COL6A2: variants seen among roughly 807,000 people sequenced by gnomAD.
The protein encoded by COL6A2 is collagen type VI alpha 2 chain.
COL6A2 carries 90 observed loss-of-function variants against 124.9 expected under a neutral mutation model. The observed-to-expected ratio is 0.72, with a 90% confidence interval of 0.61 to 0.86. The LOEUF is 0.86. Ranked by LOEUF, COL6A2 falls within the 40% of genes least tolerant of loss-of-function variation. COL6A2 has a pLI of 0.00. For synonymous variants in COL6A2, 793 were observed against 618.2 expected, an observed-to-expected ratio of 1.28 and a Z score of -4.19; for missense variants, 1,607 against 1,502.5, an observed-to-expected ratio of 1.07 and a Z score of -1.15.
intron 27 of COL6A2, chr21:46,129,447 A>G (rs1286563069): frequency 6.2e-7 from 1 of 1,603,712 alleles, no homozygotes; most frequent in Non-Finnish European, 8.5e-7. Flanking sequence ...GCTGGTGCAC[A>G]GGGACATCGT....
intron 14 of COL6A2, 138 bp downstream of exon 14, chr21:46,119,257 CAAG>C (rs2078523878): frequency 8.2e-6 from 6 of 729,760 alleles, no homozygotes; most frequent in East Asian, 2.7e-5. Context: ...CCCATCCTCC[CAAG>C]AAGTGGACCC....
chr21:46,123,733 TTAGATGA>T (rs1189797232), intron 21 of COL6A2, among the ~76,000 whole-genome samples: 10 of 135,252 alleles, frequency 7.4e-5, no homozygotes, highest in Admixed American at 7.4e-4. Context: ...GAGTGTGTGG[TTAGATGA>T]TGGATGGCTG....
chr21:46,109,463 GC>G (rs2078371339), intron 1 of COL6A2, among the ~76,000 whole-genome samples: 1 of 152,204 alleles, frequency 6.6e-6, no homozygotes, highest in African/African-American at 2.4e-5. Context: ...CTTCAGGCCT[GC>G]CCCAGCCTGA....
chr21:46,110,087 G>T (rs2078378527), intron 1 of COL6A2, among the ~76,000 whole-genome samples: 1 of 152,218 alleles, frequency 6.6e-6, no homozygotes, highest in Non-Finnish European at 1.5e-5. Flanking sequence ...CTGGGGCAGG[G>T]TCTCCAGACC....
intron 26 of COL6A2, 57 bp downstream of exon 26, chr21:46,126,294 T>C (rs1481095796): frequency 1.3e-6 from 2 of 1,577,638 alleles, no homozygotes; most frequent in East Asian, 2.2e-5. Flanking sequence ...AGCCGCTGTC[T>C]AGCGTGAGCC....
chr21:46,132,546 C>A lies in COL6A2; in HGVS notation c.3054C>A (p.Ile1018=). Residue 1018 remains isoleucine, a synonymous_variant, in exon 28 of 28, where the codon ATC becomes ATA. Transcript: ENST00000300527. ...TCTTCGACCGCTTCATCCGCTGGAT[C>A]TGCTAGCGCCGCCGCCCGGGCCCCG... ...PGFFDRFIRW[I]C 1 of 1,599,316 alleles carries A rather than the reference C, an allele frequency of 6.3e-7. No individual in the cohort carries two copies. Among genetic ancestry groups the A allele is most frequent in the East Asian group, 2.2e-5 (1 of 44,620 alleles).
rs781195524 is a variant in COL6A2 at position 46,116,730 on chromosome 21, G to T, written c.955-40G>T. ...TCCTTCCTGCTGCTCAGGGCAGAAG[G>T]ACCGGGGCTAATGGAGTTCCCTCTT... On this transcript the variant is annotated intron_variant, in intron 9 of 27. Coordinates refer to ENST00000300527, the MANE Select transcript of COL6A2 (RefSeq NM_001849.4). The surrounding 1 kb of genome is among the most constrained non-coding windows in gnomAD (Gnocchi z 4.6). The T allele has an allele frequency of 6.2e-7, 1 of 1,613,096 alleles. No homozygotes were observed. The highest frequency in any genetic ancestry group is 8.5e-7 in the Non-Finnish European group (1 of 1,180,012).
chr21:46,116,073 G>T lies in COL6A2; in HGVS notation c.900+20G>T. 6.4e-7 allele frequency: 1 copy of T among 1,564,120 alleles called. No homozygotes were observed. ...CCCAAGGTGAGTGACCTCGGCCAGG[G>T]GCTTGGCTCCACCCTGAGGCCCCAG... On this transcript the variant is annotated intron_variant, in intron 7 of 27. Coordinates refer to ENST00000300527, the MANE Select transcript of COL6A2 (RefSeq NM_001849.4). This position sits in a 1 kb window ranked among gnomAD's most constrained non-coding sequence, Gnocchi z 4.6.
chr21:46,124,237 CTGGGTGGA>C (rs1212979390), intron 21 of COL6A2, among the ~76,000 whole-genome samples: 1 of 140,228 alleles, frequency 7.1e-6, no homozygotes, highest in Non-Finnish European at 1.6e-5. Flanking sequence ...GGATGGGTGA[CTGGGTGGA>C]TGGATGGATG....
At position 46,118,069 on chromosome 21, in the gene COL6A2, G is replaced by A. The variant is rs563959808; in HGVS notation, c.1116+133G>A. ...ACTGGTCAGTGAGGAGCCAATGGCCGTGGGATGTGGTGGAGGGTGCCCTGC... is the reference window on the plus strand; with the variant it reads ...ACTGGTCAGTGAGGAGCCAATGGCCATGGGATGTGGTGGAGGGTGCCCTGC... On this transcript the variant is annotated intron_variant, in intron 12 of 27. Coordinates refer to ENST00000300527, the MANE Select transcript of COL6A2 (RefSeq NM_001849.4). 7 of 826,782 alleles carry A rather than the reference G, an allele frequency of 8.5e-6. No homozygotes were observed. In the East Asian group the frequency reaches 1.1e-4, roughly 13 times the overall value. 51.2% of individuals were successfully genotyped at this position (826,782 alleles called of 1,614,324 possible). A position where few individuals can be genotyped will look rare whatever the true frequency, so the allele number is the denominator to read the frequency against.
chr21:46,131,036 C>T (rs921692201), intron 27 of COL6A2, among the ~76,000 whole-genome samples: 10 of 152,210 alleles, frequency 6.6e-5, no homozygotes, highest in Non-Finnish European at 1.3e-4. Context: ...AGTTTCGGGT[C>T]AGGGTCCTCT....
At chr21:46,118,058 A>C in intron 12 of COL6A2, 122 bp downstream of exon 12, 1 of 920,714 alleles carries the variant, frequency 1.1e-6, no homozygotes. Flanking sequence ...GTCAGTGAGG[A>C]GCCAATGGCC....
intron 1 of COL6A2, among the ~76,000 whole-genome samples, chr21:46,101,719 C>G (rs1282877899): frequency 1.3e-5 from 2 of 151,932 alleles, no homozygotes; most frequent in East Asian, 3.9e-4. Context: ...TTTCTGGACT[C>G]TCTGTTTTAT....
rs1568931285 is a variant in COL6A2, at chr21:46,118,451, AG to A, written c.1117-161del. Among the ~76,000 whole-genome samples, 4 of 152,304 alleles carry A rather than the reference AG, an allele frequency of 2.6e-5. No individual in the cohort carries two copies. In the South Asian group the frequency reaches 8.3e-4, roughly 32 times the overall value. ...CACACTCTGCCCTCAGCTGGCACGG[AG>A]GTTCCAGCAGCCCCCAGCCAGCATC... On this transcript the variant is annotated intron_variant, in intron 12 of 27. Transcript: ENST00000300527.
At position 46,132,640 on chromosome 21, in the gene COL6A2, G is replaced by A. The variant is rs369124688; in HGVS notation, c.*88G>A. 39 of 1,320,792 alleles carry A rather than the reference G, an allele frequency of 3.0e-5. No individual in the cohort carries two copies. The highest frequency in any genetic ancestry group is 7.5e-5 in the South Asian group (6 of 79,802). The allele number at this position is 1,320,792 out of a possible 1,614,324, so 81.8% of individuals were successfully genotyped here. Reference sequence around the variant, plus strand: ...GCCCGGGTCCCACACGGCCAGCACCGCTGCTCACTCGGACGACGCCCTGGG... The same window carrying A: ...GCCCGGGTCCCACACGGCCAGCACCACTGCTCACTCGGACGACGCCCTGGG... On this transcript the variant is annotated 3_prime_UTR_variant, in exon 28 of 28. Transcript: ENST00000300527.
At chr21:46,121,463 T>C (rs2078564860) in intron 17 of COL6A2, 93 bp from the exon 18 acceptor site, 4 of 1,245,358 alleles carry the variant, frequency 3.2e-6, no homozygotes, top group Non-Finnish European at 4.7e-6. Flanking sequence ...CCATGTGGCC[T>C]GGTGGTCAGG....
At chr21:46,124,947 T>C in intron 23 of COL6A2, 27 bp downstream of exon 23, 4 of 1,612,512 alleles carry the variant, frequency 2.5e-6, no homozygotes, top group Non-Finnish European at 3.4e-6. Context: ...GCAGAACCAG[T>C]GTCCTTCTCC....
intron 1 of COL6A2, among the ~76,000 whole-genome samples, chr21:46,104,672 C>A (rs926698306): frequency 2.0e-5 from 3 of 152,102 alleles, no homozygotes; most frequent in Non-Finnish European, 2.9e-5. Context: ...ATGAATATAA[C>A]CATCCAAGAA....
chr21:46,124,216 G>C (rs985561372), intron 21 of COL6A2, among the ~76,000 whole-genome samples: 1 of 150,214 alleles, frequency 6.7e-6, no homozygotes, highest in African/African-American at 2.4e-5. Context: ...GTGGCTGGGT[G>C]GATGGATGAT....
Sources: allele counts gnomAD v4.1 joint callset (sites outside exome capture counted in the v4.1 genomes callset), GRCh38; gene constraint gnomAD v4.1.1; non-coding constraint Gnocchi (gnomAD v3.1); transcripts MANE v1.5; gene names NCBI Gene and HGNC (gene_info 2026-07-23, HGNC 2026-07-21).